The following PALS2 variants were observed in gnomAD, a reference collection of about 807,000 sequenced individuals.
PALS2 encodes the protein protein PALS2.
A neutral mutation model predicts 61.6 loss-of-function variants in PALS2; 27 were observed. The observed-to-expected ratio is 0.44, with a 90% CI of 0.32 to 0.60. PALS2 has a LOEUF of 0.60. PALS2 is among the 20% of genes least tolerant of loss of function. The pLI, the probability that PALS2 is intolerant of heterozygous loss-of-function variation, is 0.05. For synonymous variants in PALS2, 236 were observed against 218.6 expected (o/e 1.08, Z -0.70); for missense variants, 554 against 639.4 (o/e 0.87, Z 1.44).
At chr7:24,678,409 C>T (rs1384226112) in intron 9 of PALS2, among the ~76,000 whole-genome samples, 1 of 152,144 alleles carries the variant, frequency 6.6e-6, no homozygotes, top group Non-Finnish European at 1.5e-5. Context: ...AGGCGTCTAG[C>T]TCTACCACTG....
chr7:24,684,450 A>G (rs1222487542), intron 11 of PALS2, among the ~76,000 whole-genome samples: 1 of 152,154 alleles, frequency 6.6e-6, no homozygotes, highest in Non-Finnish European at 1.5e-5. Context: ...TTTTAACATG[A>G]TTCTAGTAAT....
chr7:24,585,900 C>T (rs1783048595), intron 1 of PALS2, among the ~76,000 whole-genome samples: 2 of 152,172 alleles, frequency 1.3e-5, no homozygotes, highest in African/African-American at 2.4e-5. Flanking sequence ...ATATCTTCTA[C>T]TCCTACTCTG....
At chr7:24,577,106 T>C (rs911253994) in intron 1 of PALS2, among the ~76,000 whole-genome samples, 3 of 152,182 alleles carry the variant, frequency 2.0e-5, no homozygotes, top group African/African-American at 7.2e-5. Context: ...TTAATTATGA[T>C]AGACTAATTC....
chr7:24,689,188 C>G lies in PALS2; in HGVS notation c.*1574C>G, dbSNP rs865985285. Reference sequence around the variant, plus strand: ...AAGCATTGACTTATACAAATTCCCACATTCACCTCAGTTAATATCTTCCTT... The same window carrying G: ...AAGCATTGACTTATACAAATTCCCAGATTCACCTCAGTTAATATCTTCCTT... On this transcript the variant is annotated 3_prime_UTR_variant, in exon 12 of 12. Coordinates refer to ENST00000222644, the MANE Select transcript of PALS2 (RefSeq NM_001303037.2). The G allele has an allele frequency of 1.3e-5, 2 of 152,214 alleles. No homozygotes were observed. The highest frequency in any genetic ancestry group is 4.8e-5 in the African/African-American group (2 of 41,448). The allele number at this position is 152,214 out of a possible 1,614,324, so 9.4% of individuals were successfully genotyped here.
chr7:24,622,770 T>C (rs1784573886), intron 1 of PALS2, among the ~76,000 whole-genome samples: 1 of 151,714 alleles, frequency 6.6e-6, no homozygotes, highest in African/African-American at 2.4e-5. Flanking sequence ...CCTTATTTTT[T>C]TCCTTATTAG....
At chr7:24,574,358 G>A (rs1313802835) in intron 1 of PALS2, 1 of 152,334 alleles carries the variant, frequency 6.6e-6, no homozygotes, top group Non-Finnish European at 1.5e-5. Context: ...AGTCGATTGA[G>A]GTATCCGACC....
chr7:24,587,049 T>G (rs1420115864), intron 1 of PALS2, among the ~76,000 whole-genome samples: 1 of 151,692 alleles, frequency 6.6e-6, no homozygotes, highest in Admixed American at 6.6e-5. Flanking sequence ...TTGTTTTTTG[T>G]TTTTTGGTTA....
chr7:24,595,457 A>G (rs948374082), intron 1 of PALS2, among the ~76,000 whole-genome samples: 2 of 137,864 alleles, frequency 1.5e-5, no homozygotes, highest in Admixed American at 7.8e-5. Flanking sequence ...TATATAATAT[A>G]TATAAATATA....
intron 10 of PALS2, among the ~76,000 whole-genome samples, chr7:24,679,881 G>A (rs188546901): frequency 1.2e-3 from 186 of 152,192 alleles, no homozygotes; most frequent in Non-Finnish European, 2.3e-3. Flanking sequence ...TATATATAAG[G>A]TAATGGGTTT....
intron 1 of PALS2, among the ~76,000 whole-genome samples, chr7:24,623,141 GT>G (rs1186535461): frequency 2.0e-5 from 3 of 149,522 alleles, no homozygotes; most frequent in Admixed American, 6.7e-5. Flanking sequence ...ATGTTGTTGG[GT>G]TTAGTATCAG....
chr7:24,622,682 T>A (rs941443985), intron 1 of PALS2, among the ~76,000 whole-genome samples: 28 of 146,042 alleles, frequency 1.9e-4, no homozygotes, highest in African/African-American at 7.2e-4. Context: ...TTTTCTTTTT[T>A]CTTTTTTTTT....
In PALS2 at chr7:24,649,649, G is replaced by T; in HGVS notation, c.308G>T (p.Cys103Phe). 4 of 1,611,506 alleles carry T rather than the reference G, an allele frequency of 2.5e-6. No homozygotes were observed. The highest frequency in any genetic ancestry group is 3.4e-6 in the Non-Finnish European group (4 of 1,178,884). ...LEAHDIVASK[C>F]YDSPPSSPEM... is the part of the protein sequence containing the mutation. ...GCCCATGATATTGTGGCATCAAAGT[G>T]TTATGATTCACCTCCATCAAGCCCA... Residue 103 changes from cysteine (C) to phenylalanine (F), a missense_variant, in exon 4 of 12, where the codon TGT becomes TTT. Transcript: ENST00000222644.
intron 1 of PALS2, among the ~76,000 whole-genome samples, chr7:24,577,720 C>T (rs1023799806): frequency 6.6e-6 from 1 of 152,076 alleles, no homozygotes; most frequent in Non-Finnish European, 1.5e-5. Flanking sequence ...TACTTTTCAT[C>T]ATTTCATGTT....
Position 24,680,521 on chromosome 7 carries a change from G to A in PALS2, c.1446+1G>A, listed in dbSNP as rs766550944. 5.0e-6 allele frequency: 8 copies of A among 1,612,496 alleles called. No individual in the cohort carries two copies. Among genetic ancestry groups the A allele is most frequent in the African/African-American group, 1.3e-5 (1 of 74,886 alleles). On this transcript the variant is annotated splice_donor_variant, in intron 11 of 11. Transcript: ENST00000222644. LOFTEE classifies it high-confidence loss of function. ...AGGAATCACTACCAAGCTTCTGACC[G>A]TGAGCTAACCATACGATTTTCCTTC... is the stretch of plus-strand genomic sequence containing the variant.
rs1019199879 is a variant in PALS2 at position 24,573,713 on chromosome 7, C to T, written c.-3+120C>T. On this transcript the variant is annotated intron_variant, in intron 1 of 11. Transcript: ENST00000222644. The surrounding 1 kb of genome is among the most constrained non-coding windows in gnomAD (Gnocchi z 5.3). Reference sequence around the variant, plus strand: ...CGGGGACCCTGGCCCGCCCCGCCCCCCTCGGCACCTGGGCTTCGGCGGGCG... The same window carrying T: ...CGGGGACCCTGGCCCGCCCCGCCCCTCTCGGCACCTGGGCTTCGGCGGGCG... 22 of 154,436 alleles carry T rather than the reference C, an allele frequency of 1.4e-4. No individual in the cohort carries two copies. The highest frequency in any genetic ancestry group is 2.0e-4 in the Non-Finnish European group (14 of 71,198). 9.6% of individuals were successfully genotyped at this position (154,436 alleles called of 1,614,324 possible). A position where few individuals can be genotyped will look rare whatever the true frequency, so the allele number is the denominator to read the frequency against.
At chr7:24,638,317 A>ATTTTTTTTTTTTTTTTTT (rs1562631729) in intron 2 of PALS2, among the ~76,000 whole-genome samples, 5 of 14,246 alleles carry the variant, frequency 3.5e-4, no homozygotes, top group Admixed American at 6.6e-4. Context: ...CAATTTCTGT[A>ATTTTTTTTTTTTTTTTTT]TTTTCTTTTT....
chr7:24,595,158 A>C (rs1397303658), intron 1 of PALS2, among the ~76,000 whole-genome samples: 1 of 151,906 alleles, frequency 6.6e-6, no homozygotes, highest in Non-Finnish European at 1.5e-5. Context: ...ATATGCCAAG[A>C]TTTAAATCAA....
intron 1 of PALS2, among the ~76,000 whole-genome samples, chr7:24,581,739 C>A (rs374536781): frequency 2.0e-5 from 3 of 152,126 alleles, no homozygotes; most frequent in Non-Finnish European, 2.9e-5. Flanking sequence ...GTGATGAAGC[C>A]GAGAAACGTT....
At chr7:24,655,317 C>T (rs1016441018) in intron 5 of PALS2, among the ~76,000 whole-genome samples, 10 of 152,124 alleles carry the variant, frequency 6.6e-5, no homozygotes, top group South Asian at 4.2e-4. Context: ...TATTTTTTTA[C>T]GTTTAAAATA....
Sources: allele counts gnomAD v4.1 joint callset (sites outside exome capture counted in the v4.1 genomes callset), GRCh38; gene constraint gnomAD v4.1.1; non-coding constraint Gnocchi (gnomAD v3.1); transcripts MANE v1.5; gene names NCBI Gene and HGNC (gene_info 2026-07-23, HGNC 2026-07-21).